The following NTM variants were observed in gnomAD, a reference collection of about 807,000 sequenced individuals.
NTM encodes the protein neurotrimin, also known as IgLON family member 2.
Under a neutral mutation model 42.1 loss-of-function variants are expected in NTM, and 13 were observed. The ratio of observed to expected loss-of-function variants is 0.31; its 90% confidence interval spans 0.20 to 0.49. The LOEUF is 0.49. Ranked by LOEUF, NTM falls within the 20% of genes least tolerant of loss-of-function variation. The pLI is 0.99. For missense variants in NTM, 373 were observed against 452.8 expected, an observed-to-expected ratio of 0.82 and a Z score of 1.60; for synonymous variants, 187 against 179.2, an observed-to-expected ratio of 1.04 and a Z score of -0.35.
At position 131,610,711 on chromosome 11, in the gene NTM, G is replaced by A. The variant is rs148741944; in HGVS notation, c.82+239823G>A. On this transcript the variant is annotated intron_variant, in intron 1 of 8. Transcript: ENST00000683400. ...CAGATCGATAGCATCTGGGCAGGCAGGGGGTAAGACCACACTGGGAATGGA... is the reference window on the plus strand; with the variant it reads ...CAGATCGATAGCATCTGGGCAGGCAAGGGGTAAGACCACACTGGGAATGGA... Among the ~76,000 whole-genome samples, 244 of 152,322 alleles carry A rather than the reference G, an allele frequency of 1.6e-3. 2 individuals carry two copies. Among genetic ancestry groups the A allele is most frequent in the African/African-American group, 5.6e-3 (233 of 41,576 alleles).
chr11:131,375,320 A>C (rs1177244324), intron 1 of NTM, among the ~76,000 whole-genome samples: 1 of 152,232 alleles, frequency 6.6e-6, no homozygotes, highest in Non-Finnish European at 1.5e-5. Context: ...ATATTTATGC[A>C]GTTTACTTCC....
intron 4 of NTM, among the ~76,000 whole-genome samples, chr11:132,261,752 A>C (rs1007180026): frequency 1.3e-5 from 2 of 152,196 alleles, no homozygotes; most frequent in Non-Finnish European, 2.9e-5. Context: ...TTTTTAATAG[A>C]ATGGGAGCAG....
intron 4 of NTM, among the ~76,000 whole-genome samples, chr11:132,248,073 C>G (rs1372469292): frequency 6.6e-6 from 1 of 152,172 alleles, no homozygotes; most frequent in Non-Finnish European, 1.5e-5. Context: ...GGAGAAAGTG[C>G]TCCCAAAATG....
chr11:132,020,844 C>A (rs2074227167), intron 2 of NTM, among the ~76,000 whole-genome samples: 1 of 151,664 alleles, frequency 6.6e-6, no homozygotes, highest in African/African-American at 2.4e-5. Flanking sequence ...TTCTTTGGTT[C>A]CAAAAGTTGG....
chr11:131,872,076 T>C (rs2047844526), intron 1 of NTM, among the ~76,000 whole-genome samples: 1 of 152,226 alleles, frequency 6.6e-6, no homozygotes, highest in Non-Finnish European at 1.5e-5. Context: ...TGTGTGTCAG[T>C]GCCTCTAAGA....
intron 1 of NTM, among the ~76,000 whole-genome samples, chr11:131,886,187 T>C (rs2050361361): frequency 1.3e-5 from 2 of 152,220 alleles, no homozygotes; most frequent in Admixed American, 1.3e-4. Context: ...CACTCTGTCC[T>C]GGTTAAATGC....
rs187632991 is a variant in NTM, at chr11:132,205,385, C to T, written c.401-6637C>T. Among the ~76,000 whole-genome samples the T allele has an allele frequency of 2.3e-3, 346 of 152,266 alleles. 2 individuals are homozygous for T. The highest frequency in any genetic ancestry group is 3.4e-3 in the Non-Finnish European group (230 of 68,014). The stretch of plus-strand genomic sequence containing the variant: ...ATGACATAATTATTAAAACTCAACA[C>T]CTGGGCAGTGGAAGCTAAACCAAGA... On this transcript the variant is annotated intron_variant, in intron 3 of 8. Coordinates refer to ENST00000683400, the MANE Select transcript of NTM (RefSeq NM_001352005.2).
chr11:132,109,947 C>A (rs769161137), intron 2 of NTM, among the ~76,000 whole-genome samples: 1 of 152,196 alleles, frequency 6.6e-6, no homozygotes, highest in African/African-American at 2.4e-5. Context: ...TCTTCTGTCC[C>A]CCAGTCCTCC....
At chr11:131,422,962 G>A (rs971415248) in intron 1 of NTM, among the ~76,000 whole-genome samples, 1 of 152,152 alleles carries the variant, frequency 6.6e-6, no homozygotes, top group Non-Finnish European at 1.5e-5. Context: ...TCAATAACAA[G>A]ATCTACTTTT....
chr11:132,170,291 C>A (rs1192913295), intron 3 of NTM, among the ~76,000 whole-genome samples: 1 of 152,194 alleles, frequency 6.6e-6, no homozygotes, highest in Non-Finnish European at 1.5e-5. Context: ...GATCATAGAT[C>A]TTCCTCCAAT....
chr11:131,632,971 C>T (rs771069014), intron 1 of NTM, among the ~76,000 whole-genome samples: 1 of 152,130 alleles, frequency 6.6e-6, no homozygotes, highest in East Asian at 1.9e-4. Flanking sequence ...CCGCGCCACT[C>T]GGGCAGCTTT....
intron 1 of NTM, among the ~76,000 whole-genome samples, chr11:131,606,835 C>T (rs2061004168): frequency 6.6e-6 from 1 of 152,114 alleles, no homozygotes; most frequent in African/African-American, 2.4e-5. Context: ...AGTTTTCCTA[C>T]CCCAGCACAA....
intron 1 of NTM, among the ~76,000 whole-genome samples, chr11:131,672,330 G>A (rs1443005734): frequency 1.3e-5 from 2 of 152,230 alleles, no homozygotes; most frequent in African/African-American, 4.8e-5. Context: ...TGAAGGCAGA[G>A]GCGGCGACTT....
At chr11:131,463,709 C>G (rs1951622911) in intron 1 of NTM, among the ~76,000 whole-genome samples, 1 of 152,188 alleles carries the variant, frequency 6.6e-6, no homozygotes, top group Non-Finnish European at 1.5e-5. Context: ...TGCAAATACT[C>G]TGCTTCCTGA....
At chr11:131,504,036 G>C (rs1467130910) in intron 1 of NTM, among the ~76,000 whole-genome samples, 1 of 152,132 alleles carries the variant, frequency 6.6e-6, no homozygotes, top group Non-Finnish European at 1.5e-5. Context: ...TTCCAGAAAA[G>C]GTGCTGATCC....
intron 3 of NTM, among the ~76,000 whole-genome samples, chr11:132,187,242 T>TGTGC (rs1555304720): frequency 1.6e-4 from 19 of 116,830 alleles, no homozygotes; most frequent in African/African-American, 5.4e-4. Flanking sequence ...TGTGTGTGTG[T>TGTGC]GTGTGCGTGT....
intron 2 of NTM, among the ~76,000 whole-genome samples, chr11:131,932,318 C>A (rs1315219061): frequency 1.3e-5 from 2 of 152,132 alleles, no homozygotes; most frequent in African/African-American, 4.8e-5. Flanking sequence ...AGTAGGATGT[C>A]TAGAACAAGA....
intron 1 of NTM, among the ~76,000 whole-genome samples, chr11:131,859,509 C>A (rs533923183): frequency 7.2e-5 from 11 of 152,228 alleles, no homozygotes; most frequent in African/African-American, 2.4e-4. Flanking sequence ...CCATATTTTA[C>A]AAGTCTAACA....
intron 1 of NTM, among the ~76,000 whole-genome samples, chr11:131,686,197 C>T (rs953618124): frequency 1.3e-5 from 2 of 152,216 alleles, no homozygotes; most frequent in African/African-American, 4.8e-5. Context: ...ACAGTTGACC[C>T]TCAAATAATG....
Sources: allele counts gnomAD v4.1 joint callset (sites outside exome capture counted in the v4.1 genomes callset), GRCh38; gene constraint gnomAD v4.1.1; transcripts MANE v1.5; gene names NCBI Gene and HGNC (gene_info 2026-07-23, HGNC 2026-07-21).